The following BCAS1 variants were observed in gnomAD, a reference collection of about 807,000 sequenced individuals.
The protein encoded by BCAS1 is breast carcinoma-amplified sequence 1.
A neutral mutation model predicts 65.4 loss-of-function variants in BCAS1; 46 were observed. That is an observed-to-expected ratio of 0.70 (90% CI 0.55 to 0.90). BCAS1 has a LOEUF of 0.90. BCAS1 is among the 40% of genes least tolerant of loss of function. The pLI, the probability that BCAS1 is intolerant of heterozygous loss-of-function variation, is 0.00. For synonymous variants in BCAS1, 298 were observed against 293.5 expected, an observed-to-expected ratio of 1.02 and a Z score of -0.16; for missense variants, 793 against 771.2, an observed-to-expected ratio of 1.03 and a Z score of -0.33.
intron 12 of BCAS1, among the ~76,000 whole-genome samples, chr20:53,952,345 A>T (rs902094772): frequency 2.0e-5 from 3 of 152,174 alleles, no homozygotes; most frequent in African/African-American, 7.2e-5. Context: ...AGTGGTGAAG[A>T]GGGGCTTCCA....
chr20:54,006,288 A>G (rs6091804), intron 4 of BCAS1, among the ~76,000 whole-genome samples: 14,013 of 152,134 alleles, frequency 0.092, 1,934 homozygotes, highest in African/African-American at 0.3. Flanking sequence ...CTAGGGGAGG[A>G]CGAGAAGAGG....
intron 8 of BCAS1, 55 bp downstream of exon 8, chr20:53,985,232 G>A: frequency 3.3e-6 from 5 of 1,534,452 alleles, no homozygotes; most frequent in Non-Finnish European, 4.5e-6. Context: ...ATAGAAATAA[G>A]TTCTGGAGTC....
At position 54,022,575 on chromosome 20, in the gene BCAS1, G is replaced by A. The variant is rs74499234; in HGVS notation, c.723+5817C>T. Among the ~76,000 whole-genome samples, 1,475 of 152,252 alleles carry A rather than the reference G, an allele frequency of 9.7e-3. 28 individuals carry two copies. The highest frequency in any genetic ancestry group is 0.033 in the African/African-American group (1,379 of 41,528). On this transcript the variant is annotated intron_variant, in intron 4 of 12. Transcript: ENST00000688948. Reference sequence around the variant, plus strand: ...TAAATGATTGAGTATAACAGGCTTAGGTGACAGATGGATCTCGATTCCACT... The same window carrying A: ...TAAATGATTGAGTATAACAGGCTTAAGTGACAGATGGATCTCGATTCCACT...
intron 10 of BCAS1, among the ~76,000 whole-genome samples, chr20:53,965,465 T>C (rs2090001766): frequency 1.3e-5 from 2 of 152,262 alleles, no homozygotes. Context: ...TTTTTGTTTT[T>C]TGTTCTCCAA....
At chr20:53,994,091 C>G (rs189643526) in intron 6 of BCAS1, among the ~76,000 whole-genome samples, 3 of 152,296 alleles carry the variant, frequency 2.0e-5, no homozygotes, top group Admixed American at 2.0e-4. Context: ...AAATGCAGGT[C>G]TTTTGAGACA....
intron 9 of BCAS1, among the ~76,000 whole-genome samples, chr20:53,972,889 C>T (rs2090218121): frequency 6.6e-6 from 1 of 152,184 alleles, no homozygotes; most frequent in Non-Finnish European, 1.5e-5. Context: ...GGATCAACGT[C>T]ACAACCATCA....
At chr20:54,034,780 C>T (rs1209017657) in intron 3 of BCAS1, among the ~76,000 whole-genome samples, 1 of 151,276 alleles carries the variant, frequency 6.6e-6, no homozygotes, top group Non-Finnish European at 1.5e-5. Context: ...CCAGAGAAAA[C>T]TATTTTAAAA....
chr20:54,011,339 A>G (rs1361492272), intron 4 of BCAS1, among the ~76,000 whole-genome samples: 1 of 152,208 alleles, frequency 6.6e-6, no homozygotes, highest in Non-Finnish European at 1.5e-5. Flanking sequence ...ATCTGACGAG[A>G]GACTAGTATT....
intron 1 of BCAS1, 140 bp downstream of exon 1, chr20:54,070,293 A>T (rs1342693704): frequency 6.6e-6 from 1 of 152,280 alleles, no homozygotes; most frequent in African/African-American, 2.4e-5. Flanking sequence ...TGAGGCTTAC[A>T]CATATCCAAG....
In BCAS1 at chr20:54,058,694, G is replaced by A; in HGVS notation, c.25C>T (p.Gln9Ter). 3 of 1,581,612 alleles carry A rather than the reference G, an allele frequency of 1.9e-6. No individual in the cohort carries two copies. Among genetic ancestry groups the A allele is most frequent in the Non-Finnish European group, 2.6e-6 (3 of 1,163,828 alleles). The change falls in exon 2 of 13, where the codon CAA becomes TAA. Residue 9 changes from glutamine (Q) to a stop codon, truncating the protein, a stop_gained. Coordinates refer to ENST00000688948, the MANE Select transcript of BCAS1 (RefSeq NM_001366298.2). LOFTEE classifies it high-confidence loss of function. ...TCATTCTCTTGGTCTTCAACTCTTT[G>A]GGGAACACTCATTTGGTTACCCATT... is the stretch of plus-strand genomic sequence containing the variant. MGNQMSVP[Q>*]RVEDQENEPE...
intron 10 of BCAS1, among the ~76,000 whole-genome samples, chr20:53,964,650 C>T (rs1488551941): frequency 5.3e-5 from 8 of 152,186 alleles, no homozygotes; most frequent in Non-Finnish European, 1.2e-4. Context: ...ATTTGTTTCC[C>T]TCAGAATTTA....
At chr20:53,969,186 T>C (rs1160597742) in intron 9 of BCAS1, among the ~76,000 whole-genome samples, 1 of 152,112 alleles carries the variant, frequency 6.6e-6, no homozygotes, top group Non-Finnish European at 1.5e-5. Flanking sequence ...CTGTTCTCGG[T>C]GGGAATTGCA....
chr20:53,959,901 GA>G (rs1210010205), intron 10 of BCAS1, among the ~76,000 whole-genome samples: 1 of 152,150 alleles, frequency 6.6e-6, no homozygotes, highest in Admixed American at 6.5e-5. Context: ...AGAAGGTTTA[GA>G]AAAAGAAATG....
At chr20:53,990,750 G>A (rs1328474593) in intron 7 of BCAS1, among the ~76,000 whole-genome samples, 1 of 152,182 alleles carries the variant, frequency 6.6e-6, no homozygotes, top group South Asian at 2.1e-4. Flanking sequence ...AAAAGCCAAT[G>A]AGCTCTAACA....
Position 53,957,431 on chromosome 20 carries a change from C to T in BCAS1, c.1551+1G>A, listed in dbSNP as rs1568808938. 3 of 1,613,516 alleles carry T rather than the reference C, an allele frequency of 1.9e-6. No homozygotes were observed. Among genetic ancestry groups the T allele is most frequent in the Non-Finnish European group, 1.7e-6 (2 of 1,179,370 alleles). On this transcript the variant is annotated splice_donor_variant, in intron 11 of 12. Transcript: ENST00000688948. LOFTEE classifies it high-confidence loss of function. The stretch of plus-strand genomic sequence containing the variant: ...ACCAAACTGAGTTCGAGGTCACTTA[C>T]TTGGCAGCTGGAGTCTTTCCCATTT...
At chr20:53,955,891 A>C (rs2089682890) in intron 11 of BCAS1, among the ~76,000 whole-genome samples, 1 of 152,064 alleles carries the variant, frequency 6.6e-6, no homozygotes, top group South Asian at 2.1e-4. Context: ...GACAAAATAT[A>C]CCATCATATT....
chr20:53,996,038 C>A lies in BCAS1; in HGVS notation c.736G>T (p.Gly246Cys), dbSNP rs750767610. The change falls in exon 5 of 13, where the codon GGC (glycine) becomes TGC (cysteine). Residue 246 changes from glycine to cysteine, a missense_variant. Transcript: ENST00000688948. ...AGTTCTTGTCCTTCTTTTTCCTTGC[C>A]GTCAACTATGTCCTAGGGGCAAAAC... ...DVPAGKDIVD[G>C]KEKEGQELGT... 6.2e-7 allele frequency: 1 copy of A among 1,602,730 alleles called. No individual in the cohort carries two copies. Among genetic ancestry groups the A allele is most frequent in the Admixed American group, 1.7e-5 (1 of 58,068 alleles).
chr20:53,966,838 T>G, intron 10 of BCAS1, 68 bp downstream of exon 10: 26 of 1,436,298 alleles, frequency 1.8e-5, no homozygotes, highest in East Asian at 9.3e-5. Flanking sequence ...ACCTGTGGCA[T>G]GAGCCCATTG....
At chr20:53,985,587 T>C in intron 7 of BCAS1, 88 bp from the exon 8 acceptor site, 1 of 1,195,270 alleles carries the variant, frequency 8.4e-7, no homozygotes, top group Non-Finnish European at 1.2e-6. Flanking sequence ...AAACATGGGC[T>C]GAGGTTATAC....
Sources: gnomAD v4.1 joint callset for allele counts (sites outside exome capture counted in the v4.1 genomes callset) on GRCh38, gnomAD v4.1.1 for gene constraint, MANE v1.5 for transcripts, NCBI Gene and HGNC (gene_info 2026-07-23, HGNC 2026-07-21) for gene names.